Variants in LARP1 observed in about 807,000 individuals in gnomAD.
The protein encoded by LARP1 is La ribonucleoprotein 1, translational regulator.
Under a neutral mutation model 122.7 loss-of-function variants are expected in LARP1, and 36 were observed. The ratio of observed to expected loss-of-function variants is 0.29; its 90% CI spans 0.22 to 0.39. LARP1 has a LOEUF of 0.39. Among genes scored for constraint, LARP1 ranks in the 10% least tolerant of loss-of-function variants. The pLI, the probability that LARP1 is intolerant of heterozygous loss-of-function variation, is 1.00. For missense variants in LARP1, 1,040 were observed against 1,403.6 expected, an observed-to-expected ratio of 0.74 and a Z score of 4.14; for synonymous variants, 539 against 528.7, an observed-to-expected ratio of 1.02 and a Z score of -0.27.
chr5:154,813,682 A>G (rs1263437561), intron 18 of LARP1, among the ~76,000 whole-genome samples: 1 of 152,218 alleles, frequency 6.6e-6, no homozygotes, highest in East Asian at 1.9e-4. Flanking sequence ...TCAAAGGGTG[A>G]TGCTGACCCC....
At chr5:154,691,634 G>T (rs1374438761) in intron 1 of LARP1, among the ~76,000 whole-genome samples, 1 of 152,188 alleles carries the variant, frequency 6.6e-6, no homozygotes, top group Non-Finnish European at 1.5e-5. Flanking sequence ...TCTGCACAAG[G>T]TCAGGGAGGA....
At chr5:154,735,545 T>TTTTTTTTA (rs1554081516) in intron 1 of LARP1, among the ~76,000 whole-genome samples, 2 of 143,846 alleles carry the variant, frequency 1.4e-5, no homozygotes, top group Non-Finnish European at 3.0e-5. Flanking sequence ...TTATTTTTAT[T>TTTTTTTTA]TTTATTTATT....
upstream of LARP1, among the ~76,000 whole-genome samples, chr5:154,752,506 G>T (rs549359305): frequency 9.2e-5 from 14 of 152,036 alleles, 1 homozygote; most frequent in Non-Finnish European, 2.1e-4. Context: ...GCCTCCCAAA[G>T]TGCCGGGATT....
chr5:154,755,343 G>A (rs956713984), upstream of LARP1, among the ~76,000 whole-genome samples: 2 of 150,116 alleles, frequency 1.3e-5, no homozygotes, highest in African/African-American at 2.4e-5. Context: ...CGGATCGCGT[G>A]GTCTGCTTGG....
At chr5:154,691,401 G>T (rs952504900) in intron 1 of LARP1, among the ~76,000 whole-genome samples, 1 of 152,154 alleles carries the variant, frequency 6.6e-6, no homozygotes, top group African/African-American at 2.4e-5. Context: ...GTTAAAACTG[G>T]CCCTTTCCCC....
At chr5:154,765,292 G>A (rs919378764) in intron 1 of LARP1, among the ~76,000 whole-genome samples, 1 of 152,176 alleles carries the variant, frequency 6.6e-6, no homozygotes, top group Non-Finnish European at 1.5e-5. Flanking sequence ...TGGTGGAAAT[G>A]CCTTCCCAGA....
At chr5:154,706,882 C>G (rs1754977531) in intron 1 of LARP1, among the ~76,000 whole-genome samples, 1 of 152,060 alleles carries the variant, frequency 6.6e-6, no homozygotes, top group Admixed American at 6.6e-5. Context: ...CTGCATTTTC[C>G]CAGTAAATAC....
chr5:154,744,958 C>T (rs1330249468), intron 1 of LARP1, among the ~76,000 whole-genome samples: 10 of 142,238 alleles, frequency 7.0e-5, no homozygotes, highest in African/African-American at 2.4e-4. Context: ...GATGGAGTCT[C>T]GCTCTGTCAC....
upstream of LARP1, among the ~76,000 whole-genome samples, chr5:154,710,950 T>A (rs1038026842): frequency 6.6e-6 from 1 of 151,840 alleles, no homozygotes; most frequent in Admixed American, 6.6e-5. Context: ...CTACTAACAA[T>A]GTGAGACTGA....
intron 1 of LARP1, among the ~76,000 whole-genome samples, chr5:154,726,800 G>A (rs1406209640): frequency 6.6e-6 from 1 of 152,180 alleles, no homozygotes; most frequent in Non-Finnish European, 1.5e-5. Flanking sequence ...CACATGGCTG[G>A]GGAGGCCTCA....
At chr5:154,811,156 A>T in intron 16 of LARP1, 91 bp from the exon 17 acceptor site, 1 of 924,758 alleles carries the variant, frequency 1.1e-6, no homozygotes, top group Non-Finnish European at 1.7e-6. Flanking sequence ...CATGTAGTTT[A>T]AACTGTTTCA....
At chr5:154,701,587 G>A (rs1205224186) in intron 1 of LARP1, among the ~76,000 whole-genome samples, 1 of 151,888 alleles carries the variant, frequency 6.6e-6, no homozygotes, top group Admixed American at 6.6e-5. Context: ...ACTCAATTCT[G>A]GGGATATGGT....
At position 154,740,500 on chromosome 5, in the gene LARP1, T is replaced by C. The variant is rs187007447; in HGVS notation, c.205+27370T>C. Among the ~76,000 whole-genome samples, 507 of 152,286 alleles carry C rather than the reference T, an allele frequency of 3.3e-3. 2 individuals carry two copies. Among genetic ancestry groups the C allele is most frequent in the African/African-American group, 0.012 (478 of 41,548 alleles). On this transcript the variant is annotated intron_variant, in intron 1 of 18. Coordinates refer to the LARP1 transcript ENST00000336314. Reference sequence around the variant, plus strand: ...TCTCCCATTATCAATTAACAGTTTGTAATTCTCCCAACAGCCTAATGAGGA... The same window carrying C: ...TCTCCCATTATCAATTAACAGTTTGCAATTCTCCCAACAGCCTAATGAGGA...
intron 1 of LARP1, among the ~76,000 whole-genome samples, chr5:154,768,885 T>G (rs544935630): frequency 4.9e-4 from 74 of 152,154 alleles, no homozygotes; most frequent in African/African-American, 1.8e-3. Flanking sequence ...CCAGCTGTAT[T>G]TTACTTTATT....
rs538373059 is a variant in LARP1, at chr5:154,763,097, C to T, written c.436+6904C>T. The stretch of plus-strand genomic sequence containing the variant: ...TCTTTTTTTGAGAAAGAGTTTCTCT[C>T]GTTGCCCAGGCTGGAGTGCAGTGCA... On this transcript the variant is annotated intron_variant, in intron 1 of 18. Transcript: ENST00000518297. Among the ~76,000 whole-genome samples, 10 of 142,854 alleles carry T rather than the reference C, an allele frequency of 7.0e-5. No homozygotes were observed. In the East Asian group the frequency reaches 1.4e-3, roughly 20 times the overall value. 93.7% of individuals were successfully genotyped at this position (142,854 alleles called of 152,430 possible).
intron 1 of LARP1, among the ~76,000 whole-genome samples, chr5:154,721,932 A>C (rs1755896401): frequency 6.6e-6 from 1 of 152,098 alleles, no homozygotes; most frequent in Admixed American, 6.6e-5. Context: ...GCACAATGAC[A>C]CAGTCAGATT....
intron 15 of LARP1, among the ~76,000 whole-genome samples, chr5:154,806,297 A>G (rs1405811728): frequency 1.3e-5 from 2 of 152,162 alleles, no homozygotes; most frequent in Non-Finnish European, 2.9e-5. Flanking sequence ...AAGTATTTCC[A>G]TATCTCTGGC....
In LARP1 at chr5:154,755,990, C is replaced by G; in HGVS notation, c.233C>G (p.Pro78Arg). The change falls in exon 1 of 19, where the codon CCG becomes CGG. Residue 78 changes from proline to arginine, a missense_variant. Coordinates refer to ENST00000518297, the MANE Select transcript of LARP1 (RefSeq NM_033551.3). ...CAGCAGGAGCGCGAGAGCCCGCGGC[C>G]GCTGCAGCTGCCCGGCGCCGAAGGC... ...TGQQERESPRPLQLPGAEGPA... is the reference protein window; with the variant it reads ...TGQQERESPRRLQLPGAEGPA... The G allele has an allele frequency of 2.0e-6, 2 of 1,006,974 alleles. No individual in the cohort carries two copies. Among genetic ancestry groups the G allele is most frequent in the Non-Finnish European group, 2.4e-6 (2 of 845,962 alleles). 62.4% of individuals were successfully genotyped at this position (1,006,974 alleles called of 1,614,324 possible). A position where few individuals can be genotyped will look rare whatever the true frequency, so the allele number is the denominator to read the frequency against.
chr5:154,710,874 A>G (rs1177661943), upstream of LARP1, among the ~76,000 whole-genome samples: 1 of 152,054 alleles, frequency 6.6e-6, no homozygotes, highest in East Asian at 1.9e-4. Context: ...TCTCAGCAAT[A>G]CCAACAAACT....
Sources: gnomAD v4.1 joint callset for allele counts (sites outside exome capture counted in the v4.1 genomes callset) on GRCh38, gnomAD v4.1.1 for gene constraint, MANE v1.5 for transcripts, NCBI Gene and HGNC (gene_info 2026-07-23, HGNC 2026-07-21) for gene names.